Variants in UBA6 observed in about 807,000 individuals in gnomAD.
The protein encoded by UBA6 is ubiquitin like modifier activating enzyme 6.
Under a neutral mutation model 148.3 loss-of-function variants are expected in UBA6, and 87 were observed. That is an observed-to-expected ratio of 0.59 (90% CI 0.49 to 0.70). The LOEUF (loss-of-function observed/expected upper bound fraction) is 0.70, where lower values mean the gene tolerates loss of function less well. UBA6 is among the 30% of genes least tolerant of loss of function. UBA6 has a pLI of 0.00. For synonymous variants in UBA6, 376 were observed against 401.0 expected (o/e 0.94, Z 0.75); for missense variants, 1,186 against 1,241.2 (o/e 0.96, Z 0.67).
chr4:67,624,241 T>C lies in UBA6; in HGVS notation c.2725A>G (p.Met909Val). ...ATVSGLVALE[M>V]IKVTGGYPFE... ...GGATAGCCACCAGTTACTTTGATCA[T>C]CTCCAAGGCAACCTAGATAAAAGAA... Residue 909 changes from methionine to valine, a missense_variant, in exon 30 of 33, where the codon ATG becomes GTG. Physicochemically the swap from Met to Val is conservative, Grantham distance 21. Coordinates refer to ENST00000322244, the MANE Select transcript of UBA6 (RefSeq NM_018227.6). 6.2e-7 allele frequency: 1 copy of C among 1,604,048 alleles called. No individual in the cohort carries two copies. The highest frequency in any genetic ancestry group is 8.5e-7 in the Non-Finnish European group (1 of 1,176,666).
At chr4:67,663,416 C>A in intron 11 of UBA6, 1 of 453,108 alleles carries the variant, frequency 2.2e-6, no homozygotes, top group Non-Finnish European at 3.9e-6. Flanking sequence ...GGTAAATGAT[C>A]TAATCCCCTT....
intron 2 of UBA6, among the ~76,000 whole-genome samples, chr4:67,696,213 C>G (rs1730829205): frequency 6.6e-6 from 1 of 152,042 alleles, no homozygotes; most frequent in African/African-American, 2.4e-5. Context: ...CCTGCACTAT[C>G]AAGAACTTAA....
intron 13 of UBA6, among the ~76,000 whole-genome samples, chr4:67,650,038 C>A (rs1729516059): frequency 6.6e-6 from 1 of 151,976 alleles, no homozygotes; most frequent in African/African-American, 2.4e-5. Flanking sequence ...ACTATTCCAC[C>A]CCTCCATTTC....
chr4:67,618,972 T>C lies in UBA6; in HGVS notation c.*25A>G. 1.2e-6 allele frequency: 2 copies of C among 1,610,054 alleles called. No individual in the cohort carries two copies. The highest frequency in any genetic ancestry group is 1.7e-6 in the Non-Finnish European group (2 of 1,178,528). ...CACTCTTTCCAAAATCAAGTGGTCCTGGAGTAACGTTAAGACAACTTGTAT... is the reference window on the plus strand; with the variant it reads ...CACTCTTTCCAAAATCAAGTGGTCCCGGAGTAACGTTAAGACAACTTGTAT... On this transcript the variant is annotated 3_prime_UTR_variant, in exon 33 of 33. Transcript: ENST00000322244.
At position 67,670,547 on chromosome 4, in the gene UBA6, C is replaced by T; in HGVS notation, c.592G>A (p.Asp198Asn). The T allele has an allele frequency of 6.2e-7, 1 of 1,610,876 alleles. No individual in the cohort carries two copies. Among genetic ancestry groups the T allele is most frequent in the Non-Finnish European group, 8.5e-7 (1 of 1,177,234 alleles). Residue 198 changes from aspartate to asparagine, a missense_variant, in exon 8 of 33, where the codon GAT becomes AAT. Physicochemically the swap from Asp to Asn is conservative, Grantham distance 23. Transcript: ENST00000322244. ...AAAACTTCAAATTCATCACCGAAAT[C>T]ACAAAATAACCTTGACCAAATTCCA... ...VHGIWSRLFC[D>N]FGDEFEVLDT... is the part of the protein sequence containing the mutation.
At chr4:67,620,514 C>A (rs1363187791) in intron 32 of UBA6, among the ~76,000 whole-genome samples, 1 of 151,996 alleles carries the variant, frequency 6.6e-6, no homozygotes, top group African/African-American at 2.4e-5. Context: ...GCAGAGGAAA[C>A]AACTAAAGCA....
intron 13 of UBA6, among the ~76,000 whole-genome samples, chr4:67,652,497 G>A (rs187048530): frequency 5.9e-5 from 9 of 152,248 alleles, no homozygotes; most frequent in African/African-American, 2.2e-4. Context: ...AATACAAAAC[G>A]GTACAGCTAC....
At chr4:67,652,052 C>A (rs1729565530) in intron 13 of UBA6, among the ~76,000 whole-genome samples, 1 of 151,974 alleles carries the variant, frequency 6.6e-6, no homozygotes, top group South Asian at 2.1e-4. Context: ...TATAAAATTA[C>A]AAAAATATGA....
Position 67,625,184 on chromosome 4 carries a change from T to A in UBA6, c.2522A>T (p.Asp841Val). Residue 841 changes from aspartate (D) to valine (V), a missense_variant, in exon 29 of 33, where the codon GAC becomes GTC. By Grantham distance (152) the Asp-to-Val change is radical. Transcript: ENST00000322244. ...AILSNEATKSDLQMAVLSFEK... is the reference protein window; with the variant it reads ...AILSNEATKSVLQMAVLSFEK... ...AAATGAAAGCACTGCCATCTGAAGGTCACCTGATTATACCAACCAGATAAA... is the reference window on the plus strand; with the variant it reads ...AAATGAAAGCACTGCCATCTGAAGGACACCTGATTATACCAACCAGATAAA... 1 of 1,606,100 alleles carries A rather than the reference T, an allele frequency of 6.2e-7. No individual in the cohort carries two copies. Among genetic ancestry groups the A allele is most frequent in the Non-Finnish European group, 8.5e-7 (1 of 1,176,830 alleles).
intron 30 of UBA6, 108 bp from the exon 31 acceptor site, chr4:67,623,330 G>C: frequency 1.4e-6 from 1 of 713,516 alleles, no homozygotes; most frequent in Non-Finnish European, 2.4e-6. Context: ...TTGTGATCAG[G>C]CTAGAAATTA....
rs547742013 is a variant in UBA6, at chr4:67,627,820, T to C, written c.2400+1251A>G. Among the ~76,000 whole-genome samples the C allele has an allele frequency of 2.0e-5, 3 of 151,674 alleles. No individual in the cohort carries two copies. The South Asian group carries it at 6.2e-4, about 31-fold the overall frequency. On this transcript the variant is annotated intron_variant, in intron 27 of 32. Transcript: ENST00000322244. ...ATAGCTAAATTTTGTGGATGATTTT[T>C]AGAGAACATACAAGAAAGGCATATA...
intron 7 of UBA6, among the ~76,000 whole-genome samples, chr4:67,671,860 T>C (rs985842794): frequency 1.3e-5 from 2 of 152,144 alleles, no homozygotes; most frequent in African/African-American, 4.8e-5. Flanking sequence ...CTAAACCTCT[T>C]CCCAATGTCA....
intron 2 of UBA6, among the ~76,000 whole-genome samples, chr4:67,692,798 A>G (rs947594220): frequency 3.9e-5 from 6 of 152,166 alleles, no homozygotes; most frequent in African/African-American, 1.4e-4. Context: ...TATAGAAAGG[A>G]TTGTCAATGC....
In UBA6 at chr4:67,630,240, T is replaced by C. The variant is rs149555908; in HGVS notation, c.2328+226A>G. Among the ~76,000 whole-genome samples the C allele has an allele frequency of 5.0e-3, 758 of 152,288 alleles. 9 individuals carry two copies. Among genetic ancestry groups the C allele is most frequent in the African/African-American group, 0.017 (712 of 41,574 alleles). On this transcript the variant is annotated intron_variant, in intron 26 of 32. Coordinates refer to ENST00000322244, the MANE Select transcript of UBA6 (RefSeq NM_018227.6). ...TTTAACTGCTTTTAACAAATAATGC[T>C]GTTTCACTGCTTCAATTCAGAAGGA...
chr4:67,633,240 T>C, intron 23 of UBA6, 105 bp downstream of exon 23: 4 of 1,028,914 alleles, frequency 3.9e-6, no homozygotes, highest in South Asian at 4.8e-5. Context: ...TCTGAAAAGC[T>C]TGCCAAAAGA....
At chr4:67,643,152 T>C (rs950937030) in intron 17 of UBA6, among the ~76,000 whole-genome samples, 9 of 151,884 alleles carry the variant, frequency 5.9e-5, no homozygotes, top group Admixed American at 5.2e-4. Context: ...AGTATATATA[T>C]GTAACTAACC....
chr4:67,700,828 G>A (rs527622551), intron 1 of UBA6, among the ~76,000 whole-genome samples: 3 of 152,274 alleles, frequency 2.0e-5, no homozygotes, highest in South Asian at 2.1e-4. Flanking sequence ...AGCCCTCAAA[G>A]GTGCGGAAAG....
intron 32 of UBA6, among the ~76,000 whole-genome samples, chr4:67,620,054 C>T (rs536205420): frequency 6.6e-6 from 1 of 152,154 alleles, no homozygotes; most frequent in Non-Finnish European, 1.5e-5. Context: ...GTAGCTCTTT[C>T]CATTTCACAA....
intron 7 of UBA6, among the ~76,000 whole-genome samples, chr4:67,672,974 G>A (rs1300505018): frequency 2.0e-5 from 3 of 152,046 alleles, no homozygotes; most frequent in Non-Finnish European, 2.9e-5. Context: ...ATTTAAAAAC[G>A]CATGATGTAT....
Sources: allele counts gnomAD v4.1 joint callset (sites outside exome capture counted in the v4.1 genomes callset), GRCh38; gene constraint gnomAD v4.1.1; transcripts MANE v1.5; gene names NCBI Gene and HGNC (gene_info 2026-07-23, HGNC 2026-07-21).